Variants in CLK3 observed in about 807,000 individuals in gnomAD.
CLK3 encodes dual specificity protein kinase CLK3.
In CLK3, 24 loss-of-function variants were observed where a neutral mutation model predicts 65.2. That is an observed-to-expected ratio of 0.37 (90% confidence interval 0.27 to 0.52). The LOEUF is 0.52. Among genes scored for constraint, CLK3 ranks in the 20% least tolerant of loss-of-function variants. CLK3 has a pLI of 0.92. For missense variants in CLK3, 506 were observed against 660.0 expected, an observed-to-expected ratio of 0.77 and a Z score of 2.56; for synonymous variants, 252 against 240.8, an observed-to-expected ratio of 1.05 and a Z score of -0.43.
At position 74,624,978 on chromosome 15, in the gene CLK3, G is replaced by A; in HGVS notation, c.610G>A (p.Val204Met). The change falls in exon 6 of 13, where the codon GTG becomes ATG. Residue 204 changes from valine (V) to methionine (M), a missense_variant. Physicochemically the swap from Val to Met is conservative, Grantham distance 21 (BLOSUM62 1). Coordinates refer to ENST00000395066, the MANE Select transcript of CLK3 (RefSeq NM_001130028.2). This position sits in a 1 kb window ranked among gnomAD's most constrained non-coding sequence, Gnocchi z 4.2. ...GGAGGCTGCCCGGCTAGAAATCAAC[G>A]TGCTCAAAAAAATCAAGGAGAAGGA... ...YREAARLEINVLKKIKEKDKE... is the reference protein window; with the variant it reads ...YREAARLEINMLKKIKEKDKE... 1 of 1,613,740 alleles carries A rather than the reference G, an allele frequency of 6.2e-7. No homozygotes were observed. The highest frequency in any genetic ancestry group is 2.2e-5 in the East Asian group (1 of 44,860).
intron 10 of CLK3, 38 bp downstream of exon 10, chr15:74,628,090 T>G (rs761074965): frequency 1.4e-6 from 2 of 1,418,080 alleles, no homozygotes; most frequent in South Asian, 2.3e-5. Flanking sequence ...CCCTGAGTAC[T>G]GCTACTGTGA....
At chr15:74,615,212 GGA>G, upstream of CLK3, 1 of 397,182 alleles carries the variant, frequency 2.5e-6, no homozygotes, top group East Asian at 3.6e-5. Context: ...GGGGGCTCAA[GGA>G]GAGGGGATCT....
At chr15:74,615,491 G>A, upstream of CLK3, 1 of 1,311,672 alleles carries the variant, frequency 7.6e-7, no homozygotes, top group Non-Finnish European at 9.7e-7. Context: ...GGAGTTGGCG[G>A]ACCACGCGGG....
At chr15:74,612,762 G>A (rs2062006555), upstream of CLK3, among the ~76,000 whole-genome samples, 1 of 152,176 alleles carries the variant, frequency 6.6e-6, no homozygotes, top group Non-Finnish European at 1.5e-5. Context: ...TGCCACACAA[G>A]GCTTCTCTAA....
upstream of CLK3, among the ~76,000 whole-genome samples, chr15:74,611,273 G>C (rs140284162): frequency 4.8e-3 from 732 of 152,332 alleles, 2 homozygotes; most frequent in Non-Finnish European, 7.0e-3. Flanking sequence ...GCCTCCCTGA[G>C]AATATGGCAC....
In CLK3 at chr15:74,627,816, AC is replaced by A; in HGVS notation, c.1042+149del. ...GGGCCAGTGTCATGAGACACAGGTG[AC>A]TGACCTGGCTTTATCTGTCAGCCTT... On this transcript the variant is annotated intron_variant, in intron 9 of 12. Coordinates refer to ENST00000395066, the MANE Select transcript of CLK3 (RefSeq NM_001130028.2). The surrounding 1 kb of genome is among the most constrained non-coding windows in gnomAD (Gnocchi z 4.3). 7.8e-7 allele frequency: 1 copy of A among 1,274,212 alleles called. No homozygotes were observed. Among genetic ancestry groups the A allele is most frequent in the Non-Finnish European group, 1.1e-6 (1 of 889,704 alleles). 78.9% of individuals were successfully genotyped at this position (1,274,212 alleles called of 1,614,324 possible). A position where few individuals can be genotyped will look rare whatever the true frequency, so the allele number is the denominator to read the frequency against.
At chr15:74,626,591 C>T (rs1477169691) in intron 7 of CLK3, among the ~76,000 whole-genome samples, 1 of 152,222 alleles carries the variant, frequency 6.6e-6, no homozygotes, top group Non-Finnish European at 1.5e-5. Context: ...CAGGTGTCTT[C>T]CTCCTCCCAC....
intron 3 of CLK3, 29 bp downstream of exon 3, chr15:74,620,254 G>A (rs1251265928): frequency 1.2e-6 from 2 of 1,612,038 alleles, no homozygotes; most frequent in South Asian, 1.1e-5. Flanking sequence ...GTGCTGGCTG[G>A]GGCTTAAAGG....
chr15:74,615,979 C>T, intron 1 of CLK3, 81 bp downstream of exon 1: 3 of 1,051,922 alleles, frequency 2.9e-6, no homozygotes, highest in Non-Finnish European at 3.7e-6. Flanking sequence ...GCGCTGGTGC[C>T]ATTCGGTCTC....
At chr15:74,620,554 G>A in intron 3 of CLK3, 1 of 433,424 alleles carries the variant, frequency 2.3e-6, no homozygotes, top group South Asian at 2.8e-5. Context: ...CACTTCTTAG[G>A]GATCCTAGTA....
upstream of CLK3, chr15:74,615,611 G>A (rs1220852167): frequency 1.6e-6 from 2 of 1,252,418 alleles, no homozygotes; most frequent in African/African-American, 1.6e-5. Context: ...GGGGACCTAC[G>A]TGCGCCGCGA....
chr15:74,615,540 CG>C, upstream of CLK3: 1 of 1,284,416 alleles, frequency 7.8e-7, no homozygotes, highest in South Asian at 2.4e-5. Flanking sequence ...ACGGCCAGGT[CG>C]GGGCCCCACC....
At chr15:74,618,708 C>T (rs933595925) in intron 1 of CLK3, among the ~76,000 whole-genome samples, 1 of 152,232 alleles carries the variant, frequency 6.6e-6, no homozygotes, top group East Asian at 1.9e-4. Flanking sequence ...AGCCAGACAG[C>T]GTTCAGCTTC....
Position 74,625,916 on chromosome 15 carries a change from C to T in CLK3, c.765C>T (p.Tyr255=), listed in dbSNP as rs749505390. ...TGAAGGAGAATAACTTCCAGCCTTA[C>T]CCCCTACCACATGTCCGGCACATGG... ...EFLKENNFQP[Y]PLPHVRHMAY... Residue 255 remains tyrosine (Y), a synonymous_variant, in exon 7 of 13, where the codon TAC becomes TAT. Transcript: ENST00000395066. 4 of 1,614,050 alleles carry T rather than the reference C, an allele frequency of 2.5e-6. No individual in the cohort carries two copies. Among genetic ancestry groups the T allele is most frequent in the Non-Finnish European group, 2.5e-6 (3 of 1,180,002 alleles).
Position 74,622,573 on chromosome 15 carries a change from C to T in CLK3, c.533+13C>T, listed in dbSNP as rs777013007. The stretch of plus-strand genomic sequence containing the variant: ...TGGACCATGCCAGGTGAGCGAGCTG[C>T]GGCAGTACAGCTGGCTCCGGATGTG... On this transcript the variant is annotated intron_variant, in intron 5 of 12. Transcript: ENST00000395066. The surrounding 1 kb of genome is among the most constrained non-coding windows in gnomAD (Gnocchi z 4.6). The T allele has an allele frequency of 1.5e-5, 24 of 1,601,434 alleles. No homozygotes were observed. The highest frequency in any genetic ancestry group is 1.7e-4 in the Middle Eastern group (1 of 6,034).
In CLK3 at chr15:74,628,549, T is replaced by G. The variant is rs750080731; in HGVS notation, c.1126-55T>G. On this transcript the variant is annotated intron_variant, in intron 10 of 12. Coordinates refer to ENST00000395066, the MANE Select transcript of CLK3 (RefSeq NM_001130028.2). ...CCATCTTTCTTGTTCCTTTTTCTCCTTGAAGGGGCCAGAGCTAGTACTGAC... is the reference window on the plus strand; with the variant it reads ...CCATCTTTCTTGTTCCTTTTTCTCCGTGAAGGGGCCAGAGCTAGTACTGAC... 6.8e-6 allele frequency: 9 copies of G among 1,328,108 alleles called. No individual in the cohort carries two copies. The Middle Eastern group carries it at 7.5e-4, about 110-fold the overall frequency. The allele number at this position is 1,328,108 out of a possible 1,614,324, so 82.3% of individuals were successfully genotyped here.
upstream of CLK3, chr15:74,614,787 GC>G (rs910982346): frequency 6.6e-6 from 1 of 152,112 alleles, no homozygotes; most frequent in African/African-American, 2.4e-5. Context: ...AACCCTTGGC[GC>G]CCCCGCGGAG....
chr15:74,616,350 C>T (rs2062060016), intron 1 of CLK3, among the ~76,000 whole-genome samples: 1 of 152,254 alleles, frequency 6.6e-6, no homozygotes, highest in Non-Finnish European at 1.5e-5. Flanking sequence ...CCACTGGTGG[C>T]GGTTACAGGG....
chr15:74,619,142 G>A (rs2062082227), intron 1 of CLK3, 55 bp from the exon 2 acceptor site: 4 of 1,601,072 alleles, frequency 2.5e-6, no homozygotes, highest in Non-Finnish European at 3.4e-6. Context: ...GCAGCCCCAT[G>A]GCTGGAGGTG....
Sources: allele counts gnomAD v4.1 joint callset (sites outside exome capture counted in the v4.1 genomes callset), GRCh38; gene constraint gnomAD v4.1.1; non-coding constraint Gnocchi (gnomAD v3.1); transcripts MANE v1.5; gene names NCBI Gene and HGNC (gene_info 2026-07-23, HGNC 2026-07-21).